Variants in GRK3 observed in about 807,000 individuals in gnomAD.
GRK3 encodes adrenergic, beta, receptor kinase 2.
GRK3 carries 54 observed loss-of-function variants against 95.7 expected under a neutral mutation model. The observed-to-expected ratio is 0.56, with a 90% CI of 0.45 to 0.71. GRK3 has a LOEUF of 0.71. GRK3 is among the 30% of genes least tolerant of loss of function. GRK3 has a pLI of 0.00. For synonymous variants in GRK3, 281 were observed against 290.8 expected, an observed-to-expected ratio of 0.97 and a Z score of 0.34; for missense variants, 649 against 851.2, an observed-to-expected ratio of 0.76 and a Z score of 2.96.
chr22:25,661,582 G>A lies in GRK3; in HGVS notation c.271G>A (p.Glu91Lys). The change falls in exon 4 of 21, where the codon GAA becomes AAA. Residue 91 changes from glutamate (E) to lysine (K), a missense_variant. Transcript: ENST00000324198. ...ATAACTTTAAAAAACCTAGATAAAG[G>A]AATATGAAAAACTTGATAATGAGGA... ...PQVKFYEEIK[E>K]YEKLDNEEDR... 5 of 1,605,806 alleles carry A rather than the reference G, an allele frequency of 3.1e-6. No homozygotes were observed. Among genetic ancestry groups the A allele is most frequent in the Non-Finnish European group, 4.3e-6 (5 of 1,173,722 alleles).
At chr22:25,649,309 A>G (rs1487320654) in intron 3 of GRK3, 1 of 752,290 alleles carries the variant, frequency 1.3e-6, no homozygotes, top group Non-Finnish European at 2.2e-6. Context: ...ACAGGGATCA[A>G]AAGAAGAAAA....
intron 1 of GRK3, among the ~76,000 whole-genome samples, chr22:25,595,883 G>A (rs1307953561): frequency 6.6e-5 from 10 of 152,172 alleles, no homozygotes; most frequent in Non-Finnish European, 4.4e-5. Context: ...GGAGTTTGAG[G>A]CCGCAGTGAG....
At chr22:25,572,866 A>G (rs1296733890) in intron 1 of GRK3, among the ~76,000 whole-genome samples, 5 of 152,244 alleles carry the variant, frequency 3.3e-5, no homozygotes, top group Admixed American at 3.3e-4. Flanking sequence ...TTGTATATGA[A>G]TAACATAGGA....
chr22:25,646,852 C>T (rs1408387136), intron 3 of GRK3, among the ~76,000 whole-genome samples: 2 of 151,814 alleles, frequency 1.3e-5, no homozygotes, highest in African/African-American at 4.8e-5. Context: ...GAAACCCTGT[C>T]TCTACTAAAA....
chr22:25,725,305 T>G lies in GRK3; in HGVS notation c.*2855T>G. ...CATTGATGAGAAAAATAATTGAGGTTGATATTTTTACAAAATCATGCGGTA... is the reference window on the plus strand; with the variant it reads ...CATTGATGAGAAAAATAATTGAGGTGGATATTTTTACAAAATCATGCGGTA... On this transcript the variant is annotated 3_prime_UTR_variant, in exon 21 of 21. Transcript: ENST00000324198. The G allele has an allele frequency of 2.7e-6, 1 of 364,352 alleles. No individual in the cohort carries two copies. The allele number at this position is 364,352 out of a possible 1,614,324, so 22.6% of individuals were successfully genotyped here.
At chr22:25,710,818 A>G (rs749288290) in intron 16 of GRK3, among the ~76,000 whole-genome samples, 7 of 152,234 alleles carry the variant, frequency 4.6e-5, no homozygotes, top group Non-Finnish European at 8.8e-5. Flanking sequence ...ATATTTGAAA[A>G]TTATTGAAGG....
intron 1 of GRK3, among the ~76,000 whole-genome samples, chr22:25,599,109 T>G (rs1269817241): frequency 1.3e-5 from 2 of 152,190 alleles, no homozygotes; most frequent in African/African-American, 2.4e-5. Context: ...GAGCTAAAAC[T>G]ATAACACTTC....
intron 2 of GRK3, among the ~76,000 whole-genome samples, chr22:25,627,150 G>A (rs2084633762): frequency 6.6e-6 from 1 of 152,188 alleles, no homozygotes; most frequent in African/African-American, 2.4e-5. Context: ...ATGTTGGGGA[G>A]AAAGAGTTTC....
chr22:25,587,386 G>A (rs767437937), intron 1 of GRK3, among the ~76,000 whole-genome samples: 2 of 152,092 alleles, frequency 1.3e-5, no homozygotes, highest in African/African-American at 2.4e-5. Flanking sequence ...TGATGAAAAG[G>A]TAAATGGATT....
intron 2 of GRK3, among the ~76,000 whole-genome samples, chr22:25,623,329 T>C (rs532992648): frequency 6.6e-6 from 1 of 152,348 alleles, no homozygotes; most frequent in East Asian, 1.9e-4. Flanking sequence ...GTGATGCGGC[T>C]ACGATGGCAT....
intron 2 of GRK3, among the ~76,000 whole-genome samples, chr22:25,631,632 C>A (rs141274578): frequency 2.1e-4 from 32 of 152,262 alleles, no homozygotes; most frequent in African/African-American, 7.7e-4. Flanking sequence ...GCAATTAGAT[C>A]TACAATTCTG....
At chr22:25,587,654 CT>C (rs1221657685) in intron 1 of GRK3, among the ~76,000 whole-genome samples, 2 of 152,106 alleles carry the variant, frequency 1.3e-5, no homozygotes, top group African/African-American at 4.8e-5. Context: ...CCACCCAAAT[CT>C]CATCTTGAAT....
intron 2 of GRK3, among the ~76,000 whole-genome samples, chr22:25,637,675 T>G (rs956690360): frequency 6.6e-6 from 1 of 152,264 alleles, no homozygotes; most frequent in Non-Finnish European, 1.5e-5. Flanking sequence ...TAAGGGACTG[T>G]ATATTCTTTA....
chr22:25,700,626 T>C (rs6004742), intron 13 of GRK3, among the ~76,000 whole-genome samples: 5,850 of 152,320 alleles, frequency 0.038, 159 homozygotes, highest in Middle Eastern at 0.1. Flanking sequence ...CTCGCTCTAT[T>C]GCCCAGGCTG....
chr22:25,645,385 G>A (rs2084773626), intron 3 of GRK3, among the ~76,000 whole-genome samples: 2 of 152,170 alleles, frequency 1.3e-5, no homozygotes, highest in Admixed American at 1.3e-4. Context: ...GGGCATCCAG[G>A]CTTGGCTGCT....
chr22:25,663,861 G>A (rs1198067110), intron 5 of GRK3, among the ~76,000 whole-genome samples, 157 bp downstream of exon 5: 4 of 152,132 alleles, frequency 2.6e-5, no homozygotes, highest in African/African-American at 9.7e-5. Context: ...GTTTATTATC[G>A]CTTATCTTCC....
rs1220815191 is a variant in GRK3, at chr22:25,728,495, A to T, written c.*6045A>T. On this transcript the variant is annotated 3_prime_UTR_variant, in exon 21 of 21. Coordinates refer to ENST00000324198, the MANE Select transcript of GRK3 (RefSeq NM_005160.4). The stretch of plus-strand genomic sequence containing the variant: ...GGCAGGTAGCTATCCCTCCCATGTC[A>T]TTAGTAATCCTTTAGGATTTAAGGT... The T allele has an allele frequency of 6.6e-6, 1 of 152,224 alleles. No homozygotes were observed. Among genetic ancestry groups the T allele is most frequent in the Non-Finnish European group, 1.5e-5 (1 of 68,048 alleles). 9.4% of individuals were successfully genotyped at this position (152,224 alleles called of 1,614,324 possible).
At chr22:25,639,449 A>T (rs1219142171) in intron 2 of GRK3, among the ~76,000 whole-genome samples, 1 of 152,170 alleles carries the variant, frequency 6.6e-6, no homozygotes, top group East Asian at 1.9e-4. Context: ...ACTTAAATTG[A>T]CTATATAAAT....
intron 2 of GRK3, among the ~76,000 whole-genome samples, chr22:25,607,605 C>T (rs2146343619): frequency 6.6e-6 from 1 of 152,156 alleles, no homozygotes; most frequent in African/African-American, 2.4e-5. Context: ...GGGACAGAGT[C>T]TTGCTCTGTC....
Sources: allele counts gnomAD v4.1 joint callset (sites outside exome capture counted in the v4.1 genomes callset), GRCh38; gene constraint gnomAD v4.1.1; transcripts MANE v1.5; gene names NCBI Gene and HGNC (gene_info 2026-07-23, HGNC 2026-07-21).